The following EIF2A variants were observed in gnomAD, a reference collection of about 807,000 sequenced individuals.
EIF2A encodes 65 kDa eukaryotic translation initiation factor 2A.
Under a neutral mutation model 75.2 loss-of-function variants are expected in EIF2A, and 62 were observed. That is an observed-to-expected ratio of 0.82 (90% CI 0.67 to 1.02). The LOEUF (loss-of-function observed/expected upper bound fraction) is 1.02, where lower values mean the gene tolerates loss of function less well. EIF2A is among the 50% of genes least tolerant of loss of function. The probability of loss-of-function intolerance (pLI) is 0.00; values close to 1 mark genes in which losing one functional copy is unlikely to be tolerated. For missense variants in EIF2A, 611 were observed against 677.7 expected (o/e 0.90, Z 1.09); for synonymous variants, 207 against 239.0 (o/e 0.87, Z 1.23).
chr3:150,558,151 G>C (rs1457920364), intron 2 of EIF2A, among the ~76,000 whole-genome samples: 1 of 152,034 alleles, frequency 6.6e-6, no homozygotes, highest in African/African-American at 2.4e-5. Flanking sequence ...CACCCAAAAG[G>C]GCTCTATTTT....
chr3:150,552,341 A>G lies in EIF2A; in HGVS notation c.29-15A>G, dbSNP rs1393501839. 1.3e-6 allele frequency: 2 copies of G among 1,546,042 alleles called. No homozygotes were observed. The highest frequency in any genetic ancestry group is 4.1e-5 in the Admixed American group (2 of 49,326). ...TAACAAAGTAATTGTGGTTCTTTTTATTTTACTTCTTTAGTCCGAGGATCA... is the reference window on the plus strand; with the variant it reads ...TAACAAAGTAATTGTGGTTCTTTTTGTTTTACTTCTTTAGTCCGAGGATCA... On this transcript the variant is annotated splice_polypyrimidine_tract_variant and intron_variant, in intron 1 of 13. Coordinates refer to ENST00000460851, the MANE Select transcript of EIF2A (RefSeq NM_032025.5).
chr3:150,574,303 G>C (rs1231295823), intron 10 of EIF2A, among the ~76,000 whole-genome samples: 1 of 152,182 alleles, frequency 6.6e-6, no homozygotes, highest in Non-Finnish European at 1.5e-5. Context: ...TATAGTAGTT[G>C]TGTGGATTTT....
In EIF2A at chr3:150,567,917, C is replaced by A. The variant is rs1254550510; in HGVS notation, c.565C>A (p.Pro189Thr). ...PQPYKVAVYV[P>T]GSKGAPSFVR... is the part of the protein sequence containing the mutation. Reference sequence around the variant, plus strand: ...TGTATCTTAGGTGGCTGTCTATGTTCCAGGAAGTAAAGGTGCACCTTCATT... The same window carrying A: ...TGTATCTTAGGTGGCTGTCTATGTTACAGGAAGTAAAGGTGCACCTTCATT... Residue 189 changes from proline (P) to threonine (T), a missense_variant, in exon 8 of 14, where the codon CCA becomes ACA. Coordinates refer to ENST00000460851, the MANE Select transcript of EIF2A (RefSeq NM_032025.5). 6.2e-7 allele frequency: 1 copy of A among 1,606,666 alleles called. No homozygotes were observed. Among genetic ancestry groups the A allele is most frequent in the South Asian group, 1.1e-5 (1 of 89,088 alleles).
chr3:150,570,782 G>T (rs995582033), intron 9 of EIF2A, among the ~76,000 whole-genome samples: 98 of 152,232 alleles, frequency 6.4e-4, no homozygotes, highest in African/African-American at 2.2e-3. Flanking sequence ...GCTGACAGAG[G>T]CTGGGCACGG....
At chr3:150,582,264 A>G (rs9818568) in intron 12 of EIF2A, among the ~76,000 whole-genome samples, 73,938 of 151,406 alleles carry the variant, frequency 0.49, 18,233 homozygotes, top group South Asian at 0.54. Flanking sequence ...ACCTCCCAAA[A>G]TGCTGGGATT....
chr3:150,580,114 A>C (rs1335364349), intron 11 of EIF2A, among the ~76,000 whole-genome samples: 2 of 152,190 alleles, frequency 1.3e-5, no homozygotes, highest in East Asian at 3.8e-4. Flanking sequence ...GTGTTACCGT[A>C]GGGAAAAATA....
chr3:150,573,838 T>TATATATATAAA (rs1724688991), intron 10 of EIF2A, among the ~76,000 whole-genome samples: 2 of 152,108 alleles, frequency 1.3e-5, no homozygotes, highest in African/African-American at 2.4e-5. Flanking sequence ...GAAAAAAGTT[T>TATATATATAAA]TTTATAAGTA....
intron 3 of EIF2A, 65 bp from the exon 4 acceptor site, chr3:150,562,477 T>G: frequency 8.1e-7 from 1 of 1,233,406 alleles, no homozygotes; most frequent in Non-Finnish European, 1.1e-6. Flanking sequence ...GGTATGAATG[T>G]TTTGGTTAGT....
intron 10 of EIF2A, 130 bp downstream of exon 10, chr3:150,572,659 A>C (rs1724606162): frequency 3.5e-6 from 3 of 863,506 alleles, no homozygotes; most frequent in Non-Finnish European, 5.3e-6. Context: ...GTTTGAGACC[A>C]GACTGGCTAA....
intron 2 of EIF2A, among the ~76,000 whole-genome samples, chr3:150,556,556 A>C (rs1325471109): frequency 6.6e-6 from 1 of 152,220 alleles, no homozygotes; most frequent in Non-Finnish European, 1.5e-5. Flanking sequence ...ATAGAGCAAT[A>C]TGATAATGAC....
chr3:150,572,413 G>A lies in EIF2A; in HGVS notation c.1267G>A (p.Ala423Thr). The change falls in exon 10 of 14, where the codon GCA becomes ACA. Residue 423 changes from alanine (A) to threonine (T), a missense_variant. Physicochemically the swap from Ala to Thr is moderately conservative, Grantham distance 58 (BLOSUM62 0). Transcript: ENST00000460851. ...WQPFLDGIFP[A>T]KTITYQAVPS... ...GCCATTTTTGGATGGAATATTTCCA[G>A]CAAAAACAATAACTTACCAAGCAGT... 1 of 1,613,974 alleles carries A rather than the reference G, an allele frequency of 6.2e-7. No homozygotes were observed.
At chr3:150,572,569 T>G in intron 10 of EIF2A, 40 bp downstream of exon 10, 1 of 1,549,756 alleles carries the variant, frequency 6.5e-7, no homozygotes, top group African/African-American at 1.4e-5. Flanking sequence ...AAAAGTTTAT[T>G]TTGGGCCAGG....
rs754308696 is a variant in EIF2A at position 150,568,198 on chromosome 3, T to C, written c.717T>C (p.Ala239=). The C allele has an allele frequency of 3.1e-6, 5 of 1,613,304 alleles. No individual in the cohort carries two copies. The South Asian group carries it at 5.5e-5, about 18-fold the overall frequency. Residue 239 remains alanine (A), a synonymous_variant, in exon 9 of 14, where the codon GCT becomes GCC. Coordinates refer to ENST00000460851, the MANE Select transcript of EIF2A (RefSeq NM_032025.5). ...NKKATAVLVI[A]STDVDKTGAS... ...TAGCTACTGCTGTGTTGGTAATAGC[T>C]AGCACAGATGTTGACAAGACAGGAG...
At chr3:150,576,438 AAG>A (rs916923351) in intron 11 of EIF2A, among the ~76,000 whole-genome samples, 28 of 152,188 alleles carry the variant, frequency 1.8e-4, no homozygotes, top group South Asian at 1.2e-3. Context: ...TCGAAAAAAA[AAG>A]AAAAAAAGCA....
chr3:150,567,735 T>A lies in EIF2A; in HGVS notation c.518T>A (p.Phe173Tyr), dbSNP rs1183850160. 5.8e-6 allele frequency: 9 copies of A among 1,558,268 alleles called. No homozygotes were observed. In the South Asian group the frequency reaches 1.1e-4, roughly 18 times the overall value. ...NKLHLQKIND[F>Y]VLSPGPQPYK... ...TTGCATTTGCAAAAAATTAATGATT[T>A]TGTATTATCACCTGGACCCCAACCA... The change falls in exon 7 of 14, where the codon TTT becomes TAT. Residue 173 changes from phenylalanine to tyrosine, a missense_variant. Coordinates refer to ENST00000460851, the MANE Select transcript of EIF2A (RefSeq NM_032025.5).
At chr3:150,563,102 A>G (rs1320312941) in intron 4 of EIF2A, among the ~76,000 whole-genome samples, 1 of 152,214 alleles carries the variant, frequency 6.6e-6, no homozygotes, top group Non-Finnish European at 1.5e-5. Context: ...AGAGATACTT[A>G]ATGATAATAC....
chr3:150,572,485 A>AG lies in EIF2A; in HGVS notation c.1340dup (p.Pro448ThrfsTer7). 1 of 1,613,724 alleles carries AG rather than the reference A, an allele frequency of 6.2e-7. No individual in the cohort carries two copies. Among genetic ancestry groups the AG allele is most frequent in the East Asian group, 2.2e-5 (1 of 44,892 alleles). On this transcript the variant is annotated frameshift_variant, in exon 10 of 14. Transcript: ENST00000460851. LOFTEE classifies it high-confidence loss of function. ...GGAACCTAAAGTTGCAACAGCTTAT[A>AG]GACCCCCAGCTTTAAGAAATAAACC...
At chr3:150,560,824 A>C (rs1356793802) in intron 3 of EIF2A, among the ~76,000 whole-genome samples, 10 of 150,188 alleles carry the variant, frequency 6.7e-5, no homozygotes, top group African/African-American at 2.4e-4. Context: ...CAATAGTATG[A>C]TCTTGAGCAA....
intron 1 of EIF2A, among the ~76,000 whole-genome samples, chr3:150,548,268 C>T (rs1435081024): frequency 2.0e-5 from 3 of 152,184 alleles, no homozygotes; most frequent in Middle Eastern, 3.2e-3. Context: ...AATTAAAATT[C>T]ATTTTAGATA....
Sources: gnomAD v4.1 joint callset for allele counts (sites outside exome capture counted in the v4.1 genomes callset) on GRCh38, gnomAD v4.1.1 for gene constraint, MANE v1.5 for transcripts, NCBI Gene and HGNC (gene_info 2026-07-23, HGNC 2026-07-21) for gene names.